Variants in LPP observed in about 807,000 individuals in gnomAD.
LPP encodes the protein lipoma-preferred partner.
A neutral mutation model predicts 60.4 loss-of-function variants in LPP; 38 were observed. The ratio of observed to expected loss-of-function variants is 0.63; its 90% CI spans 0.49 to 0.83. The LOEUF is 0.83. Ranked by LOEUF, LPP falls within the 40% of genes least tolerant of loss-of-function variation. The probability of loss-of-function intolerance (pLI) is 0.00; values close to 1 mark genes in which losing one functional copy is unlikely to be tolerated. For synonymous variants in LPP, 328 were observed against 290.8 expected, an observed-to-expected ratio of 1.13 and a Z score of -1.30; for missense variants, 902 against 783.6, an observed-to-expected ratio of 1.15 and a Z score of -1.80.
intron 1 of LPP, among the ~76,000 whole-genome samples, chr3:188,160,999 C>A (rs1718096602): frequency 6.6e-6 from 1 of 152,086 alleles, no homozygotes; most frequent in Non-Finnish European, 1.5e-5. Context: ...AGCTTTCTAG[C>A]CATAGGGACC....
chr3:188,804,835 T>G (rs1748590624), intron 9 of LPP, among the ~76,000 whole-genome samples: 1 of 152,140 alleles, frequency 6.6e-6, no homozygotes, highest in Non-Finnish European at 1.5e-5. Context: ...AGTAAGGTTA[T>G]TGAACATGCT....
intron 2 of LPP, among the ~76,000 whole-genome samples, chr3:188,280,742 A>C (rs1369374510): frequency 6.6e-6 from 1 of 152,098 alleles, no homozygotes; most frequent in African/African-American, 2.4e-5. Flanking sequence ...TGGGTTAACC[A>C]ACTGGTGGAT....
chr3:188,302,406 C>G (rs1373476601), intron 2 of LPP, among the ~76,000 whole-genome samples: 1 of 152,198 alleles, frequency 6.6e-6, no homozygotes, highest in Non-Finnish European at 1.5e-5. Flanking sequence ...GGTAACTCAA[C>G]CTCTGAAAAG....
intron 7 of LPP, among the ~76,000 whole-genome samples, chr3:188,686,546 T>G (rs1246775818): frequency 1.3e-5 from 2 of 152,210 alleles, no homozygotes; most frequent in Non-Finnish European, 2.9e-5. Flanking sequence ...AGTTCTTATC[T>G]TACGTTGCCC....
chr3:188,298,372 G>C (rs1466481107), intron 2 of LPP, among the ~76,000 whole-genome samples: 1 of 152,032 alleles, frequency 6.6e-6, no homozygotes, highest in Non-Finnish European at 1.5e-5. Flanking sequence ...ATCCTCCTGG[G>C]GGCACTAGCC....
intron 9 of LPP, among the ~76,000 whole-genome samples, chr3:188,797,522 T>C (rs1745734989): frequency 6.6e-6 from 1 of 152,172 alleles, no homozygotes; most frequent in Non-Finnish European, 1.5e-5. Flanking sequence ...TTATTCGATC[T>C]CATCTGGCAT....
At chr3:188,819,943 C>T (rs529230072) in intron 9 of LPP, among the ~76,000 whole-genome samples, 6 of 152,230 alleles carry the variant, frequency 3.9e-5, no homozygotes, top group South Asian at 2.1e-4. Flanking sequence ...CAATTAAGAT[C>T]GCTGTCCATC....
At chr3:188,506,295 T>C (rs147400920) in intron 5 of LPP, among the ~76,000 whole-genome samples, 41 of 152,244 alleles carry the variant, frequency 2.7e-4, no homozygotes, top group African/African-American at 9.9e-4. Flanking sequence ...TTTTAGAAGG[T>C]TATTTTGAGG....
At chr3:188,450,135 T>C (rs1356646716) in intron 4 of LPP, among the ~76,000 whole-genome samples, 1 of 152,186 alleles carries the variant, frequency 6.6e-6, no homozygotes, top group African/African-American at 2.4e-5. Flanking sequence ...AGATAACGTG[T>C]AAATATTTAA....
intron 3 of LPP, among the ~76,000 whole-genome samples, chr3:188,353,207 A>G (rs901158962): frequency 2.0e-5 from 3 of 152,154 alleles, no homozygotes; most frequent in Non-Finnish European, 2.9e-5. Flanking sequence ...TGTGACTTAA[A>G]TGGGCCTTTC....
chr3:188,287,059 C>T (rs1744166612), intron 2 of LPP, among the ~76,000 whole-genome samples: 1 of 152,178 alleles, frequency 6.6e-6, no homozygotes, highest in Non-Finnish European at 1.5e-5. Context: ...CATCACCACA[C>T]CTGGCTAATT....
chr3:188,619,148 C>T (rs1429782654), intron 7 of LPP, among the ~76,000 whole-genome samples: 1 of 152,144 alleles, frequency 6.6e-6, no homozygotes, highest in Admixed American at 6.5e-5. Context: ...CCTCAGCCTC[C>T]CAAGTAGCTG....
intron 5 of LPP, among the ~76,000 whole-genome samples, chr3:188,520,310 C>G (rs1368534081): frequency 6.6e-6 from 1 of 152,216 alleles, no homozygotes; most frequent in Non-Finnish European, 1.5e-5. Context: ...CCTTCGTGTA[C>G]CAGCAGCTGC....
chr3:188,240,899 G>A (rs776817511), intron 2 of LPP, among the ~76,000 whole-genome samples: 1 of 152,130 alleles, frequency 6.6e-6, no homozygotes, highest in African/African-American at 2.4e-5. Context: ...AGTTCCGTGT[G>A]GAGAGCAAGG....
intron 1 of LPP, among the ~76,000 whole-genome samples, chr3:188,199,802 C>T (rs1212141361): frequency 1.3e-5 from 2 of 151,888 alleles, no homozygotes; most frequent in East Asian, 3.9e-4. Flanking sequence ...GCAACCTCCC[C>T]CTCCCAGGTT....
chr3:188,194,661 A>T (rs974755253), intron 1 of LPP, among the ~76,000 whole-genome samples: 2 of 152,244 alleles, frequency 1.3e-5, no homozygotes, highest in African/African-American at 2.4e-5. Flanking sequence ...TGACATTAAG[A>T]TAGCCAAGTG....
intron 7 of LPP, among the ~76,000 whole-genome samples, chr3:188,706,644 A>T (rs2149673386): frequency 6.6e-6 from 1 of 152,344 alleles, no homozygotes; most frequent in East Asian, 1.9e-4. Flanking sequence ...AAATGTTGGG[A>T]ATGATAGCAT....
chr3:188,409,502 T>C (rs943199396), intron 4 of LPP, among the ~76,000 whole-genome samples: 3 of 152,246 alleles, frequency 2.0e-5, no homozygotes, highest in Admixed American at 1.3e-4. Context: ...CTGAACATTT[T>C]TGTAACTTAC....
chr3:188,204,715 T>C (rs186276905), intron 1 of LPP, among the ~76,000 whole-genome samples: 16 of 152,280 alleles, frequency 1.1e-4, no homozygotes, highest in Admixed American at 3.9e-4. Context: ...CTGGTTGATG[T>C]GGAAGTCAGG....
Sources: gnomAD v4.1 joint callset for allele counts (sites outside exome capture counted in the v4.1 genomes callset) on GRCh38, gnomAD v4.1.1 for gene constraint, MANE v1.5 for transcripts, NCBI Gene and HGNC (gene_info 2026-07-23, HGNC 2026-07-21) for gene names.